Variants in SLC2A5 observed in about 807,000 individuals in gnomAD.
SLC2A5 encodes the protein solute carrier family 2 member 5, also known as solute carrier family 2, facilitated glucose transporter member 5.
A neutral mutation model predicts 50.3 loss-of-function variants in SLC2A5; 56 were observed. The ratio of observed to expected loss-of-function variants is 1.11; its 90% CI spans 0.90 to 1.39. The LOEUF (loss-of-function observed/expected upper bound fraction) is 1.39, where lower values mean the gene tolerates loss of function less well. Ranked by LOEUF, SLC2A5 falls within the 40% of genes most tolerant of loss-of-function variation. The pLI is 0.00. For missense variants in SLC2A5, 566 were observed against 650.1 expected, an observed-to-expected ratio of 0.87 and a Z score of 1.41; for synonymous variants, 269 against 281.9, an observed-to-expected ratio of 0.95 and a Z score of 0.46.
In SLC2A5 at chr1:9,053,455, A is replaced by T. The variant is rs866941708; in HGVS notation, c.293+3993T>A. On this transcript the variant is annotated intron_variant, in intron 3 of 11. Coordinates refer to ENST00000377424, the MANE Select transcript of SLC2A5 (RefSeq NM_003039.3). ...ATATATTTATATATTATATATATTT[A>T]TATATATTATATATATTTATATATA... Among the ~76,000 whole-genome samples, 4 of 18,346 alleles carry T rather than the reference A, an allele frequency of 2.2e-4. No individual in the cohort carries two copies. The East Asian group carries it at 0.012, about 57-fold the overall frequency. 12.0% of individuals were successfully genotyped at this position (18,346 alleles called of 152,430 possible).
In SLC2A5 at chr1:9,050,049, A is replaced by T. The variant is rs1356636495; in HGVS notation, c.294-2315T>A. On this transcript the variant is annotated intron_variant, in intron 3 of 11. Transcript: ENST00000377424. ...GACTCTGGGAGGCCAAGGCGGGTGG[A>T]TCACCTGAGGCCAGGAGTTCGAGAC... 3.3e-5 allele frequency among the ~76,000 whole-genome samples: 5 copies of T among 152,212 alleles called. No homozygotes were observed. The East Asian group carries it at 7.7e-4, about 24-fold the overall frequency.
chr1:9,054,747 A>T (rs1641708301), intron 3 of SLC2A5, among the ~76,000 whole-genome samples: 2 of 152,136 alleles, frequency 1.3e-5, no homozygotes, highest in Admixed American at 1.3e-4. Context: ...AAACCTAGTG[A>T]GACCCTGTCT....
chr1:9,039,425 T>G, intron 8 of SLC2A5, 127 bp downstream of exon 8: 5 of 652,514 alleles, frequency 7.7e-6, no homozygotes, highest in Admixed American at 6.6e-5. Context: ...CCACACAGAG[T>G]TTCTGTAGTA....
intron 5 of SLC2A5, chr1:9,041,461 G>A (rs746465830): frequency 3.4e-4 from 447 of 1,304,144 alleles, no homozygotes; most frequent in Non-Finnish European, 4.1e-4. Flanking sequence ...CACAGAGCCT[G>A]GCACACTGGT....
intron 1 of SLC2A5, among the ~76,000 whole-genome samples, chr1:9,059,270 A>G (rs1641843076): frequency 6.7e-6 from 1 of 149,732 alleles, no homozygotes; most frequent in South Asian, 2.1e-4. Context: ...AGCCTCCCAA[A>G]TAGCTGGGAC....
chr1:9,038,338 T>C (rs781118345), intron 10 of SLC2A5, 93 bp downstream of exon 10: 139 of 926,288 alleles, frequency 1.5e-4, no homozygotes, highest in South Asian at 1.5e-3. Context: ...CCAGGCTGCA[T>C]TGGCCATCCC....
Position 9,082,311 on chromosome 1 carries a change from G to A in SLC2A5, c.-59+2703C>T, listed in dbSNP as rs148099725. Among the ~76,000 whole-genome samples the A allele has an allele frequency of 2.9e-3, 446 of 152,264 alleles. 11 individuals carry two copies. Among genetic ancestry groups the A allele is most frequent in the Admixed American group, 0.026 (404 of 15,298 alleles). ...AGCGAATACATGTACACATATGTTCGTAGCAGCAGTATTTACATAGCCAAA... is the reference window on the plus strand; with the variant it reads ...AGCGAATACATGTACACATATGTTCATAGCAGCAGTATTTACATAGCCAAA... On this transcript the variant is annotated intron_variant, in intron 2 of 5. Transcript: ENST00000464985.
chr1:9,068,449 C>CTT (rs34032446), intron 1 of SLC2A5, among the ~76,000 whole-genome samples: 3 of 117,422 alleles, frequency 2.6e-5, no homozygotes, highest in South Asian at 2.8e-4. Context: ...CAGGCCCACT[C>CTT]TTTTTTTTTT....
chr1:9,084,812 ATCACC>A (rs1324487084), intron 2 of SLC2A5, among the ~76,000 whole-genome samples: 1 of 152,216 alleles, frequency 6.6e-6, no homozygotes. Context: ...CAACAGCCCC[ATCACC>A]TGGGAGCTGG....
Position 9,038,002 on chromosome 1 carries a change from G to A in SLC2A5, c.1197C>T (p.Ile399=), listed in dbSNP as rs1337058607. 4 of 1,613,804 alleles carry A rather than the reference G, an allele frequency of 2.5e-6. No homozygotes were observed. The African/African-American group carries it at 5.3e-5, about 22-fold the overall frequency. ...GAGAGGACTGCAGGAAGATCTCAGT[G>A]ATGAGCAGCGCGGGTATGGGACCTG... ...LGPSPIPALL[I]TEIFLQSSRP... is the part of the protein sequence containing the mutation. The change falls in exon 11 of 12, where the codon ATC becomes ATT. Residue 399 remains isoleucine, a synonymous_variant. Transcript: ENST00000377424.
At chr1:9,066,999 GGAAAAAGAAA>G (rs1301659383) in intron 1 of SLC2A5, among the ~76,000 whole-genome samples, 1 of 150,468 alleles carries the variant, frequency 6.6e-6, no homozygotes, top group African/African-American at 2.4e-5. Flanking sequence ...AAAAAAAAAA[GGAAAAAGAAA>G]GAAAAAGAAG....
At chr1:9,092,116 G>T (rs772289231), upstream of SLC2A5, among the ~76,000 whole-genome samples, 1 of 152,136 alleles carries the variant, frequency 6.6e-6, no homozygotes, top group Non-Finnish European at 1.5e-5. Flanking sequence ...CCATTGCAAC[G>T]TACATCAATC....
intron 3 of SLC2A5, among the ~76,000 whole-genome samples, chr1:9,055,387 T>C (rs1010700085): frequency 6.6e-6 from 1 of 151,814 alleles, no homozygotes; most frequent in Non-Finnish European, 1.5e-5. Flanking sequence ...TGTGGTGGCA[T>C]GCGCCTGTAA....
At chr1:9,038,977 C>T in intron 8 of SLC2A5, 48 bp from the exon 9 acceptor site, 4 of 1,576,816 alleles carry the variant, frequency 2.5e-6, no homozygotes, top group Non-Finnish European at 3.4e-6. Context: ...AGCTTCACCT[C>T]CCTCCAGCCC....
intron 2 of SLC2A5, among the ~76,000 whole-genome samples, chr1:9,084,154 AT>A (rs892211847): frequency 2.0e-5 from 3 of 152,112 alleles, no homozygotes; most frequent in African/African-American, 7.2e-5. Flanking sequence ...AAAAAAAAAA[AT>A]AATAATAATA....
chr1:9,090,129 T>C (rs1200073904), upstream of SLC2A5, among the ~76,000 whole-genome samples: 1 of 152,138 alleles, frequency 6.6e-6, no homozygotes, highest in East Asian at 1.9e-4. Context: ...TCCCACTCCT[T>C]TATTAAGAAG....
intron 1 of SLC2A5, among the ~76,000 whole-genome samples, chr1:9,062,871 C>CAAAA (rs933596587): frequency 1.3e-5 from 2 of 148,638 alleles, no homozygotes; most frequent in Non-Finnish European, 3.0e-5. Context: ...GACTCTGTCT[C>CAAAA]AAAAAATAAA....
chr1:9,047,566 T>C (rs2124352146), intron 4 of SLC2A5, 44 bp downstream of exon 4: 4 of 1,601,582 alleles, frequency 2.5e-6, no homozygotes. Flanking sequence ...GTCCTCCTCC[T>C]TGACGACCCT....
chr1:9,085,215 C>G (rs773664164), intron 1 of SLC2A5: 1 of 152,216 alleles, frequency 6.6e-6, no homozygotes, highest in Non-Finnish European at 1.5e-5. Flanking sequence ...TGAGTGACTA[C>G]GGCCTATGAC....
Sources: gnomAD v4.1 joint callset for allele counts (sites outside exome capture counted in the v4.1 genomes callset) on GRCh38, gnomAD v4.1.1 for gene constraint, MANE v1.5 for transcripts, NCBI Gene and HGNC (gene_info 2026-07-23, HGNC 2026-07-21) for gene names.